PCDHA1: variants seen among roughly 807,000 people sequenced by gnomAD.
The protein encoded by PCDHA1 is protocadherin alpha-1.
PCDHA1 carries 42 observed loss-of-function variants against 61.3 expected under a neutral mutation model. The ratio of observed to expected loss-of-function variants is 0.69; its 90% confidence interval spans 0.54 to 0.89. The LOEUF (loss-of-function observed/expected upper bound fraction) is 0.89, where lower values mean the gene tolerates loss of function less well. Ranked by LOEUF, PCDHA1 falls within the 40% of genes least tolerant of loss-of-function variation. The probability of loss-of-function intolerance (pLI) is 0.00; values close to 1 mark genes in which losing one functional copy is unlikely to be tolerated. For missense variants in PCDHA1, 1,256 were observed against 1,235.3 expected, an observed-to-expected ratio of 1.02 and a Z score of -0.25; for synonymous variants, 610 against 553.8, an observed-to-expected ratio of 1.10 and a Z score of -1.43.
intron 2 of PCDHA1, among the ~76,000 whole-genome samples, chr5:140,980,413 T>C (rs1218867656): frequency 6.6e-6 from 1 of 152,086 alleles, no homozygotes; most frequent in Admixed American, 6.6e-5. Context: ...GGGCAGATCA[T>C]GAGGTCAAGA....
At chr5:140,848,198 C>T (rs2150407095) in intron 1 of PCDHA1, 8 of 311,274 alleles carry the variant, frequency 2.6e-5, no homozygotes, top group African/African-American at 1.7e-4. Flanking sequence ...TCTGTTTCAA[C>T]AATCATTACT....
chr5:140,788,758 A>G, intron 1 of PCDHA1, 74 bp downstream of exon 1: 1 of 1,462,320 alleles, frequency 6.8e-7, no homozygotes, highest in African/African-American at 1.4e-5. Context: ...TTCAAATATC[A>G]CTTTAAAAAA....
chr5:140,834,554 G>C, intron 1 of PCDHA1: 2 of 1,614,092 alleles, frequency 1.2e-6, no homozygotes, highest in South Asian at 2.2e-5. Flanking sequence ...TGGAGCTGGC[G>C]GAGCTGGTGC....
intron 1 of PCDHA1, among the ~76,000 whole-genome samples, chr5:140,831,979 C>T (rs2150198667): frequency 6.6e-6 from 1 of 152,178 alleles, no homozygotes; most frequent in East Asian, 1.9e-4. Context: ...CTAGGAAACT[C>T]TCATTACGGA....
At chr5:140,816,096 CT>C (rs1765842833) in intron 1 of PCDHA1, 1 of 152,210 alleles carries the variant, frequency 6.6e-6, no homozygotes, top group East Asian at 1.9e-4. Flanking sequence ...GCTGTCTGTC[CT>C]TTTCTCTTAT....
chr5:140,982,224 A>T, intron 2 of PCDHA1: 1 of 587,320 alleles, frequency 1.7e-6, no homozygotes, highest in South Asian at 3.8e-5. Context: ...TGGCGTTAAT[A>T]AAAAACAGAA....
chr5:141,009,539 C>T, intron 3 of PCDHA1, 88 bp from the exon 4 acceptor site: 1 of 1,522,752 alleles, frequency 6.6e-7, no homozygotes, highest in Non-Finnish European at 8.8e-7. Flanking sequence ...TTCAGCCTGC[C>T]TATGCAGTAC....
chr5:140,893,110 G>A (rs2063824937), intron 1 of PCDHA1, among the ~76,000 whole-genome samples: 1 of 152,124 alleles, frequency 6.6e-6, no homozygotes, highest in South Asian at 2.1e-4. Context: ...ATATTCCGTT[G>A]TGCATATACA....
intron 1 of PCDHA1, chr5:140,848,211 A>T: frequency 2.8e-6 from 1 of 353,668 alleles, no homozygotes; most frequent in Non-Finnish European, 5.1e-6. Flanking sequence ...TCATTACTTA[A>T]GAAAAAATTA....
chr5:140,824,621 T>TTG (rs1210454959), intron 1 of PCDHA1: 1 of 130,846 alleles, frequency 7.6e-6, no homozygotes, highest in Non-Finnish European at 1.6e-5. Context: ...TTTTTTTTTT[T>TTG]TTTTTTTTTT....
intron 1 of PCDHA1, among the ~76,000 whole-genome samples, chr5:140,907,439 A>G (rs1217956706): frequency 6.6e-6 from 1 of 152,250 alleles, no homozygotes; most frequent in Admixed American, 6.5e-5. Context: ...CTGTGAGTCC[A>G]CAGATGGTAA....
At chr5:140,823,552 G>A (rs2150126819) in intron 1 of PCDHA1, 1 of 1,613,888 alleles carries the variant, frequency 6.2e-7, no homozygotes, top group Non-Finnish European at 8.5e-7. Flanking sequence ...GGTGGCGAAG[G>A]TGCGCGCAGT....
chr5:140,875,411 T>C, intron 1 of PCDHA1: 1 of 1,503,674 alleles, frequency 6.7e-7, no homozygotes, highest in Non-Finnish European at 8.9e-7. Context: ...GCTCATAAAA[T>C]ACCTCAGGCA....
rs782659406 is a variant in PCDHA1 at position 140,802,694 on chromosome 5, G to T, written c.2394+14010G>T. 8.1e-6 allele frequency: 13 copies of T among 1,612,620 alleles called. No individual in the cohort carries two copies. The Admixed American group carries it at 1.2e-4, about 14-fold the overall frequency. On this transcript the variant is annotated intron_variant, in intron 1 of 3. Coordinates refer to ENST00000504120, the MANE Select transcript of PCDHA1 (RefSeq NM_018900.4). ...CCTACTCGCTGGTGGAACGGCGGGT[G>T]GGGGAGCGCGCGCTGTCGAGCTACG... is the stretch of plus-strand genomic sequence containing the variant.
intron 1 of PCDHA1, chr5:140,866,915 A>C (rs1413291718): frequency 6.6e-6 from 1 of 152,138 alleles, no homozygotes. Context: ...CTCAAAGATG[A>C]GTTCAAAGGG....
intron 1 of PCDHA1, chr5:140,843,536 C>G: frequency 6.3e-7 from 1 of 1,595,956 alleles, no homozygotes; most frequent in Non-Finnish European, 8.6e-7. Context: ...CAAGCCCACT[C>G]TGGTGTGCTC....
chr5:140,888,343 G>C (rs1476390329), intron 1 of PCDHA1, among the ~76,000 whole-genome samples: 1 of 152,152 alleles, frequency 6.6e-6, no homozygotes, highest in Admixed American at 6.5e-5. Context: ...ATTACAACTA[G>C]GGAATTGCTA....
intron 1 of PCDHA1, among the ~76,000 whole-genome samples, chr5:140,838,085 T>TA (rs1554136878): frequency 2.0e-4 from 13 of 64,188 alleles, no homozygotes; most frequent in African/African-American, 3.3e-4. Context: ...ATAGTGTGTG[T>TA]GTGTGTGTGT....
chr5:140,931,161 C>G (rs1214685588), intron 1 of PCDHA1, among the ~76,000 whole-genome samples: 5 of 152,132 alleles, frequency 3.3e-5, no homozygotes, highest in African/African-American at 1.2e-4. Flanking sequence ...AATAGAATCT[C>G]AGTTAATTTT....
Sources: allele counts gnomAD v4.1 joint callset (sites outside exome capture counted in the v4.1 genomes callset), GRCh38; gene constraint gnomAD v4.1.1; transcripts MANE v1.5; gene names NCBI Gene and HGNC (gene_info 2026-07-23, HGNC 2026-07-21).